TBC1D16: variants seen among roughly 807,000 people sequenced by gnomAD.
The protein encoded by TBC1D16 is CTD-2529O21.1.
In TBC1D16, 58 loss-of-function variants were observed where a neutral mutation model predicts 74.7. The ratio of observed to expected loss-of-function variants is 0.78; its 90% CI spans 0.63 to 0.97. The LOEUF (loss-of-function observed/expected upper bound fraction) is 0.97, where lower values mean the gene tolerates loss of function less well. Ranked by LOEUF, TBC1D16 falls within the 50% of genes least tolerant of loss-of-function variation. The pLI is 0.00. For missense variants in TBC1D16, 1,014 were observed against 1,079.5 expected, an observed-to-expected ratio of 0.94 and a Z score of 0.85; for synonymous variants, 493 against 474.7, an observed-to-expected ratio of 1.04 and a Z score of -0.50.
rs1458013574 is a variant in TBC1D16, at chr17:79,950,238, G to C, written c.1257+173C>G. ...TTTTTTTTTTCAACGCAGCAGCTTT[G>C]ATTGCTTTATCGGTGTGTTCACAGA... On this transcript the variant is annotated intron_variant, in intron 6 of 11. Transcript: ENST00000310924. The surrounding 1 kb of genome is among the most constrained non-coding windows in gnomAD (Gnocchi z 4.6). Among the ~76,000 whole-genome samples the C allele has an allele frequency of 6.6e-6, 1 of 151,856 alleles. No homozygotes were observed. Among genetic ancestry groups the C allele is most frequent in the Non-Finnish European group, 1.5e-5 (1 of 67,962 alleles).
At position 79,975,153 on chromosome 17, in the gene TBC1D16, AGCAG is replaced by A. The variant is rs1442635792; in HGVS notation, c.780-22339_780-22336del. Among the ~76,000 whole-genome samples the A allele has an allele frequency of 2.0e-5, 3 of 152,218 alleles. No homozygotes were observed. The East Asian group carries it at 5.8e-4, about 29-fold the overall frequency. Reference sequence around the variant, plus strand: ...CAGGCCGCGTCACTCCTCACCCTCCAGCAGGGCTTTGGATTTTTGGACAGCGAGT... The same window carrying A: ...CAGGCCGCGTCACTCCTCACCCTCCAGGCTTTGGATTTTTGGACAGCGAGT... On this transcript the variant is annotated intron_variant, in intron 3 of 11. Transcript: ENST00000310924. The surrounding 1 kb of genome is among the most constrained non-coding windows in gnomAD (Gnocchi z 4.5).
At chr17:80,022,102 AC>A (rs531430843) in intron 1 of TBC1D16, among the ~76,000 whole-genome samples, 1 of 149,914 alleles carries the variant, frequency 6.7e-6, no homozygotes, top group African/African-American at 2.5e-5. Context: ...AGATCGTTAA[AC>A]ATTGGTCTAT....
rs2035864884 is a variant in TBC1D16, at chr17:80,010,850, T to G, written c.182-93A>C. The G allele has an allele frequency of 1.1e-6, 1 of 923,600 alleles. No homozygotes were observed. The allele number at this position is 923,600 out of a possible 1,614,324, so 57.2% of individuals were successfully genotyped here. ...TTGGCGAGCTGCTCGGAGAGGCCAC[T>G]GCCCTTTAGTAAAGTGCCAGTCCGG... On this transcript the variant is annotated intron_variant, in intron 2 of 11. Coordinates refer to ENST00000310924, the MANE Select transcript of TBC1D16 (RefSeq NM_019020.4). The surrounding 1 kb of genome is among the most constrained non-coding windows in gnomAD (Gnocchi z 8.8).
chr17:79,952,735 C>T lies in TBC1D16; in HGVS notation c.863G>A (p.Arg288Gln), dbSNP rs749844742. Residue 288 changes from arginine to glutamine, a missense_variant, in exon 4 of 12, where the codon CGG (arginine) becomes CAG (glutamine). By Grantham distance (43) the Arg-to-Gln change is conservative. Transcript: ENST00000310924. ...LQTPRWDEPQ[R>Q]VCALEQICGV... ...GCAAATCTGCTCCAGGGCGCACACCCGCTGCGGCTCGTCCCAGCGTGGGGT... is the reference window on the plus strand; with the variant it reads ...GCAAATCTGCTCCAGGGCGCACACCTGCTGCGGCTCGTCCCAGCGTGGGGT... 61 of 1,611,940 alleles carry T rather than the reference C, an allele frequency of 3.8e-5. No homozygotes were observed. Among genetic ancestry groups the T allele is most frequent in the Non-Finnish European group, 4.7e-5 (55 of 1,179,316 alleles).
chr17:80,010,627 G>A lies in TBC1D16; in HGVS notation c.312C>T (p.Pro104=), dbSNP rs751077321. 1.6e-5 allele frequency: 25 copies of A among 1,576,438 alleles called. No homozygotes were observed. Among genetic ancestry groups the A allele is most frequent in the Admixed American group, 7.6e-5 (4 of 52,826 alleles). The change falls in exon 3 of 12, where the codon CCC becomes CCT. Residue 104 remains proline, a synonymous_variant. Transcript: ENST00000310924. The surrounding 1 kb of genome is among the most constrained non-coding windows in gnomAD (Gnocchi z 8.8). ...CCCGAGGGCGGGGTGCCTTGCGAACGGGGGAGCTCTCGGGTGTGATGTAGC... is the reference window on the plus strand; with the variant it reads ...CCCGAGGGCGGGGTGCCTTGCGAACAGGGGAGCTCTCGGGTGTGATGTAGC... ...ALRYITPESS[P]VRKAPRPRGR...
intron 3 of TBC1D16, 70 bp from the exon 4 acceptor site, chr17:79,952,888 T>C (rs528808953): frequency 2.0e-6 from 3 of 1,525,154 alleles, no homozygotes; most frequent in South Asian, 2.4e-5. Context: ...GGGACGGGGG[T>C]CATGGGGGAG....
At position 79,975,954 on chromosome 17, in the gene TBC1D16, G is replaced by A. The variant is rs1038802466; in HGVS notation, c.780-23136C>T. ...CTTCCTGCACCCTCACAGCTTCTGCGGCTCCCCAGGCAACGGAGCCAGTCA... is the reference window on the plus strand; with the variant it reads ...CTTCCTGCACCCTCACAGCTTCTGCAGCTCCCCAGGCAACGGAGCCAGTCA... On this transcript the variant is annotated intron_variant, in intron 3 of 11. Transcript: ENST00000310924. This position sits in a 1 kb window ranked among gnomAD's most constrained non-coding sequence, Gnocchi z 4.5. Among the ~76,000 whole-genome samples, 3 of 152,112 alleles carry A rather than the reference G, an allele frequency of 2.0e-5. No homozygotes were observed. Among genetic ancestry groups the A allele is most frequent in the Non-Finnish European group, 2.9e-5 (2 of 68,012 alleles).
Position 80,035,312 on chromosome 17 carries a change from T to TA in TBC1D16, c.-63+482dup, listed in dbSNP as rs1305261963. Among the ~76,000 whole-genome samples, 1 of 151,412 alleles carries TA rather than the reference T, an allele frequency of 6.6e-6. No individual in the cohort carries two copies. The highest frequency in any genetic ancestry group is 1.5e-5 in the Non-Finnish European group (1 of 67,908). Reference sequence around the variant, plus strand: ...AGTGAGTATCCCGACACGCGGATCTTAAACAGCCCAGACCACCAAGCCCGA... The same window carrying TA: ...AGTGAGTATCCCGACACGCGGATCTTAAAACAGCCCAGACCACCAAGCCCGA... On this transcript the variant is annotated intron_variant, in intron 1 of 11. Transcript: ENST00000310924. This position sits in a 1 kb window ranked among gnomAD's most constrained non-coding sequence, Gnocchi z 5.3.
chr17:79,978,664 C>T (rs901007268), intron 3 of TBC1D16, among the ~76,000 whole-genome samples: 9 of 152,210 alleles, frequency 5.9e-5, no homozygotes, highest in Non-Finnish European at 1.3e-4. Context: ...CGTGCATTTA[C>T]GACTGTGACG....
chr17:80,014,358 A>G (rs1226911504), intron 1 of TBC1D16, among the ~76,000 whole-genome samples: 2 of 152,048 alleles, frequency 1.3e-5, no homozygotes, highest in East Asian at 3.8e-4. Flanking sequence ...CTCTGTCTCA[A>G]AAAAAAAGAA....
chr17:79,953,577 G>A (rs191443088), intron 3 of TBC1D16, among the ~76,000 whole-genome samples: 1 of 152,310 alleles, frequency 6.6e-6, no homozygotes, highest in Non-Finnish European at 1.5e-5. Flanking sequence ...GCTGAGATTA[G>A]AACCCAAGCT....
At position 79,940,348 on chromosome 17, in the gene TBC1D16, G is replaced by C. The variant is rs1278467683; in HGVS notation, c.*511C>G. 6.6e-6 allele frequency: 1 copy of C among 152,504 alleles called. No individual in the cohort carries two copies. Among genetic ancestry groups the C allele is most frequent in the Non-Finnish European group, 1.5e-5 (1 of 68,278 alleles). The allele number at this position is 152,504 out of a possible 1,614,324, so 9.4% of individuals were successfully genotyped here. On this transcript the variant is annotated 3_prime_UTR_variant, in exon 12 of 12. Coordinates refer to ENST00000310924, the MANE Select transcript of TBC1D16 (RefSeq NM_019020.4). This position sits in a 1 kb window ranked among gnomAD's most constrained non-coding sequence, Gnocchi z 5.4. ...TGTGGCTGGGGACGTTTTGGGAAGT[G>C]TGTTTGGCTCACTCCGAGAGAACGA...
chr17:79,949,704 C>A lies in TBC1D16; in HGVS notation c.1406+13G>T. On this transcript the variant is annotated intron_variant, in intron 7 of 11. Transcript: ENST00000310924. ...GGCTCGGCGGGGTGGGCCGGGCTGG[C>A]CCCGGCGGTTACCTTTTCTGCTGGA... 6.2e-7 allele frequency: 1 copy of A among 1,600,440 alleles called. No individual in the cohort carries two copies. The highest frequency in any genetic ancestry group is 8.5e-7 in the Non-Finnish European group (1 of 1,171,300).
At position 79,949,837 on chromosome 17, in the gene TBC1D16, G is replaced by T; in HGVS notation, c.1286C>A (p.Ser429Ter). 2 of 1,613,774 alleles carry T rather than the reference G, an allele frequency of 1.2e-6. No individual in the cohort carries two copies. Among genetic ancestry groups the T allele is most frequent in the South Asian group, 1.1e-5 (1 of 91,074 alleles). ...KAIFFGGIDV[S>*]IRGEVWPFLL... ...GAAGGGCCAGACCTCCCCGCGGATTGACACATCAATACCGCCAAAGAAAAT... is the reference window on the plus strand; with the variant it reads ...GAAGGGCCAGACCTCCCCGCGGATTTACACATCAATACCGCCAAAGAAAAT... Residue 429 changes from serine to a stop codon, truncating the protein, a stop_gained, in exon 7 of 12, where the codon TCA becomes TAA. Coordinates refer to ENST00000310924, the MANE Select transcript of TBC1D16 (RefSeq NM_019020.4). LOFTEE classifies it high-confidence loss of function.
At chr17:79,970,173 C>T (rs2034020683) in intron 3 of TBC1D16, among the ~76,000 whole-genome samples, 1 of 152,086 alleles carries the variant, frequency 6.6e-6, no homozygotes, top group Admixed American at 6.5e-5. Flanking sequence ...GCGAAAGAAG[C>T]CAGTCACAAA....
Position 79,933,141 on chromosome 17 carries a change from T to G in TBC1D16, c.*7718A>C, listed in dbSNP as rs2031360242. On this transcript the variant is annotated 3_prime_UTR_variant, in exon 12 of 12. Coordinates refer to ENST00000310924, the MANE Select transcript of TBC1D16 (RefSeq NM_019020.4). ...AAGCATCAGAATGTCAAAATCTAAG[T>G]TTTCCACGAGGTCAGCAGCAGGTGT... 6.6e-6 allele frequency: 1 copy of G among 152,056 alleles called. No individual in the cohort carries two copies. Among genetic ancestry groups the G allele is most frequent in the Non-Finnish European group, 1.5e-5 (1 of 68,038 alleles). 9.4% of individuals were successfully genotyped at this position (152,056 alleles called of 1,614,324 possible). A position where few individuals can be genotyped will look rare whatever the true frequency, so the allele number is the denominator to read the frequency against.
Position 80,010,442 on chromosome 17 carries a change from T to C in TBC1D16, c.497A>G (p.Gln166Arg). The change falls in exon 3 of 12, where the codon CAG becomes CGG. Residue 166 changes from glutamine to arginine, a missense_variant. By Grantham distance (43) the Gln-to-Arg change is conservative. Transcript: ENST00000310924. The surrounding 1 kb of genome is among the most constrained non-coding windows in gnomAD (Gnocchi z 8.8). ...CTGGGCACCATCCACCCCCAAGCCCTGCGCCAGCTTCTCCTCATCCTCTGG... is the reference window on the plus strand; with the variant it reads ...CTGGGCACCATCCACCCCCAAGCCCCGCGCCAGCTTCTCCTCATCCTCTGG... ...PAPEDEEKLA[Q>R]GLGVDGAQPA... The C allele has an allele frequency of 6.2e-7, 1 of 1,608,776 alleles. No individual in the cohort carries two copies. The highest frequency in any genetic ancestry group is 1.1e-5 in the South Asian group (1 of 90,464).
rs1330238551 is a variant in TBC1D16, at chr17:80,008,510, C to T, written c.779+1650G>A. 6.6e-6 allele frequency among the ~76,000 whole-genome samples: 1 copy of T among 152,182 alleles called. No homozygotes were observed. Among genetic ancestry groups the T allele is most frequent in the Non-Finnish European group, 1.5e-5 (1 of 68,034 alleles). On this transcript the variant is annotated intron_variant, in intron 3 of 11. Coordinates refer to ENST00000310924, the MANE Select transcript of TBC1D16 (RefSeq NM_019020.4). The surrounding 1 kb of genome is among the most constrained non-coding windows in gnomAD (Gnocchi z 4.5). ...AGACACAACTGGGACCTTCCCCTCG[C>T]CTGGGCCCTGGGGATGCAGGGACAC...
intron 3 of TBC1D16, among the ~76,000 whole-genome samples, chr17:79,977,665 C>T (rs550622284): frequency 6.6e-6 from 1 of 152,390 alleles, no homozygotes; most frequent in African/African-American, 2.4e-5. Context: ...TTCTAAAATG[C>T]ACAGTAAGCT....
Sources: gnomAD v4.1 joint callset for allele counts (sites outside exome capture counted in the v4.1 genomes callset) on GRCh38, gnomAD v4.1.1 for gene constraint, Gnocchi (gnomAD v3.1) non-coding constraint, MANE v1.5 for transcripts, NCBI Gene and HGNC (gene_info 2026-07-23, HGNC 2026-07-21) for gene names.